The following SLC22A16 variants were observed in gnomAD, a reference collection of about 807,000 sequenced individuals.
SLC22A16 encodes solute carrier family 22 member 16.
Under a neutral mutation model 52.9 loss-of-function variants are expected in SLC22A16, and 53 were observed. The ratio of observed to expected loss-of-function variants is 1.00; its 90% CI spans 0.80 to 1.26. SLC22A16 has a LOEUF of 1.26. Ranked by LOEUF, SLC22A16 falls within the 50% of genes most tolerant of loss-of-function variation. SLC22A16 has a pLI of 0.00. For missense variants in SLC22A16, 726 were observed against 704.0 expected, an observed-to-expected ratio of 1.03 and a Z score of -0.35; for synonymous variants, 291 against 268.8, an observed-to-expected ratio of 1.08 and a Z score of -0.81.
chr6:110,431,252 G>T lies in SLC22A16; in HGVS notation c.1440C>A (p.Ser480Arg). 1.2e-6 allele frequency: 2 copies of T among 1,612,416 alleles called. No homozygotes were observed. The highest frequency in any genetic ancestry group is 2.2e-5 in the South Asian group (2 of 91,066). ...TGGCCAGGCGACACACCATGCTGCC[G>T]CTTCCCACAGCCAGCGATCTGGAAA... Reference protein sequence around the residue: ...PTIVRSLAVGSGSMVCRLASI... With the variant: ...PTIVRSLAVGRGSMVCRLASI... Residue 480 changes from serine (S) to arginine (R), a missense_variant, in exon 7 of 8, where the codon AGC (serine) becomes AGA (arginine). Coordinates refer to ENST00000368919, the MANE Select transcript of SLC22A16 (RefSeq NM_033125.4).
chr6:110,444,378 A>T (rs562388450), intron 3 of SLC22A16, among the ~76,000 whole-genome samples: 1 of 152,132 alleles, frequency 6.6e-6, no homozygotes, highest in African/African-American at 2.4e-5. Context: ...ATTCGAGAGC[A>T]CCACTCCCCA....
intron 7 of SLC22A16, among the ~76,000 whole-genome samples, chr6:110,429,049 T>G (rs1774391037): frequency 6.6e-6 from 1 of 152,238 alleles, no homozygotes; most frequent in Non-Finnish European, 1.5e-5. Context: ...TTGGTTTTAT[T>G]TCTGGTAATT....
chr6:110,437,464 T>C (rs1774779655), intron 5 of SLC22A16, among the ~76,000 whole-genome samples: 2 of 152,226 alleles, frequency 1.3e-5, no homozygotes, highest in Non-Finnish European at 2.9e-5. Flanking sequence ...AGTAGTTTTA[T>C]TGCATTCAAT....
At chr6:110,459,964 T>C (rs1395585519) in intron 1 of SLC22A16, among the ~76,000 whole-genome samples, 2 of 152,100 alleles carry the variant, frequency 1.3e-5, no homozygotes, top group African/African-American at 4.8e-5. Context: ...ACCCCTGAAA[T>C]TAAGAGGCAT....
chr6:110,475,921 A>G (rs528793653), intron 1 of SLC22A16: 57 of 456,484 alleles, frequency 1.2e-4, no homozygotes, highest in Non-Finnish European at 2.1e-4. Flanking sequence ...CCCAATCACT[A>G]AAATAAGGAT....
At chr6:110,433,451 T>A (rs1463464101) in intron 6 of SLC22A16, among the ~76,000 whole-genome samples, 1 of 152,194 alleles carries the variant, frequency 6.6e-6, no homozygotes, top group African/African-American at 2.4e-5. Flanking sequence ...ATTTATGCTA[T>A]CTCTTGACTA....
At chr6:110,431,934 C>T (rs879827843) in intron 6 of SLC22A16, among the ~76,000 whole-genome samples, 1 of 152,102 alleles carries the variant, frequency 6.6e-6, no homozygotes, top group Non-Finnish European at 1.5e-5. Flanking sequence ...TCTTCTAGAG[C>T]AGGAATTTGT....
At chr6:110,474,969 G>A (rs1180143096) in intron 1 of SLC22A16, 3 of 518,906 alleles carry the variant, frequency 5.8e-6, no homozygotes, top group African/African-American at 3.8e-5. Context: ...ACTGCATGCA[G>A]AGTCCTCATA....
At chr6:110,439,778 A>G (rs1774891888) in intron 4 of SLC22A16, among the ~76,000 whole-genome samples, 1 of 152,214 alleles carries the variant, frequency 6.6e-6, no homozygotes. Context: ...TTTAGTTTAA[A>G]TTTGGTTTAC....
intron 1 of SLC22A16, among the ~76,000 whole-genome samples, chr6:110,462,588 A>T (rs1400324476): frequency 6.6e-6 from 1 of 152,236 alleles, no homozygotes; most frequent in Non-Finnish European, 1.5e-5. Context: ...TAAAGAAAAA[A>T]GAATTTTTTA....
At chr6:110,426,518 C>A (rs999365678) in intron 7 of SLC22A16, among the ~76,000 whole-genome samples, 1 of 152,018 alleles carries the variant, frequency 6.6e-6, no homozygotes, top group East Asian at 1.9e-4. Flanking sequence ...GGAGGCCAGG[C>A]GGATCCTTTC....
chr6:110,450,197 G>A (rs191762936), intron 2 of SLC22A16, among the ~76,000 whole-genome samples: 24 of 151,990 alleles, frequency 1.6e-4, no homozygotes, highest in African/African-American at 5.1e-4. Context: ...AGGAGGGGGG[G>A]GCACAATAGT....
chr6:110,468,842 G>A (rs1776164767), intron 1 of SLC22A16, among the ~76,000 whole-genome samples: 1 of 152,076 alleles, frequency 6.6e-6, no homozygotes, highest in South Asian at 2.1e-4. Flanking sequence ...CCTCACACCT[G>A]CAGGTCAGAA....
intron 2 of SLC22A16, among the ~76,000 whole-genome samples, chr6:110,450,490 T>A (rs1341251669): frequency 6.6e-6 from 1 of 151,550 alleles, no homozygotes; most frequent in African/African-American, 2.4e-5. Context: ...CACATGCCTG[T>A]AGTCCCAGCT....
intron 1 of SLC22A16, among the ~76,000 whole-genome samples, chr6:110,475,654 A>G (rs930188054): frequency 3.3e-5 from 5 of 152,166 alleles, no homozygotes; most frequent in Admixed American, 3.3e-4. Context: ...CTCCAGAATC[A>G]TATCAGAGGT....
rs992109823 is a variant in SLC22A16 at position 110,476,579 on chromosome 6, C to T, written c.-5G>A. The T allele has an allele frequency of 2.6e-6, 4 of 1,525,710 alleles. No individual in the cohort carries two copies. The highest frequency in any genetic ancestry group is 2.7e-5 in the East Asian group (1 of 37,564). The allele number at this position is 1,525,710 out of a possible 1,614,324, so 94.5% of individuals were successfully genotyped here. On this transcript the variant is annotated 5_prime_UTR_variant, in exon 1 of 8. Transcript: ENST00000368919. ...CTCGAAGTGGCGGGACCCCATGGTG[C>T]GGCCGTGCACTGGGCGCCGAGTTAG...
intron 5 of SLC22A16, among the ~76,000 whole-genome samples, chr6:110,436,367 G>A (rs1774729441): frequency 6.6e-6 from 1 of 152,136 alleles, no homozygotes; most frequent in African/African-American, 2.4e-5. Context: ...GCTCACACCT[G>A]TAATCCCAGC....
Position 110,463,556 on chromosome 6 carries a change from C to T in SLC22A16, c.54-6539G>A, listed in dbSNP as rs568918544. Among the ~76,000 whole-genome samples, 16 of 127,084 alleles carry T rather than the reference C, an allele frequency of 1.3e-4. No homozygotes were observed. The South Asian group carries it at 4.3e-3, about 34-fold the overall frequency. The allele number at this position is 127,084 out of a possible 152,430, so 83.4% of individuals were successfully genotyped here. A position where few individuals can be genotyped will look rare whatever the true frequency, so the allele number is the denominator to read the frequency against. On this transcript the variant is annotated intron_variant, in intron 1 of 7. Coordinates refer to ENST00000368919, the MANE Select transcript of SLC22A16 (RefSeq NM_033125.4). ...AAAAAAGACAAAGAATAGCATTATC[C>T]AATGATACACGGTCTAATTCAACAA...
At chr6:110,428,298 G>C (rs1160014732) in intron 7 of SLC22A16, among the ~76,000 whole-genome samples, 1 of 151,994 alleles carries the variant, frequency 6.6e-6, no homozygotes, top group Non-Finnish European at 1.5e-5. Flanking sequence ...AGATCCAAAG[G>C]AAGCACATTC....
Sources: gnomAD v4.1 joint callset for allele counts (sites outside exome capture counted in the v4.1 genomes callset) on GRCh38, gnomAD v4.1.1 for gene constraint, MANE v1.5 for transcripts, NCBI Gene and HGNC (gene_info 2026-07-23, HGNC 2026-07-21) for gene names.